The following RIN2 variants were observed in gnomAD, a reference collection of about 807,000 sequenced individuals.
RIN2 encodes the protein RAB5 interacting protein 2.
Under a neutral mutation model 78.0 loss-of-function variants are expected in RIN2, and 36 were observed. The observed-to-expected ratio is 0.46, with a 90% CI of 0.35 to 0.61. RIN2 has a LOEUF of 0.61. RIN2 is among the 20% of genes least tolerant of loss of function. The pLI is 0.00. For missense variants in RIN2, 1,087 were observed against 1,159.7 expected (o/e 0.94, Z 0.91); for synonymous variants, 466 against 466.8 (o/e 1.00, Z 0.02).
intron 2 of RIN2, among the ~76,000 whole-genome samples, chr20:19,850,249 C>T (rs933506557): frequency 2.0e-5 from 3 of 152,144 alleles, no homozygotes; most frequent in Non-Finnish European, 4.4e-5. Context: ...CTTACATTTC[C>T]ACCCTTTTGC....
At chr20:19,922,654 A>C (rs1476868027) in intron 3 of RIN2, among the ~76,000 whole-genome samples, 2 of 152,080 alleles carry the variant, frequency 1.3e-5, no homozygotes, top group Non-Finnish European at 2.9e-5. Flanking sequence ...AATTTCAAAT[A>C]TTCTGTCCAC....
rs1031896735 is a variant in RIN2, at chr20:19,891,726, G to A, written c.57+2068G>A. ...CCCAGCTACTTAGGAGGCTGAAGCA[G>A]GAGAATCGTTTGAACCTGGGAGGTG... is the stretch of plus-strand genomic sequence containing the variant. On this transcript the variant is annotated intron_variant, in intron 3 of 12. Transcript: ENST00000255006. 6.9e-5 allele frequency among the ~76,000 whole-genome samples: 10 copies of A among 144,378 alleles called. No individual in the cohort carries two copies. The East Asian group carries it at 2.1e-3, about 30-fold the overall frequency. 94.7% of individuals were successfully genotyped at this position (144,378 alleles called of 152,430 possible).
At chr20:19,914,304 C>CA (rs2039595150) in intron 3 of RIN2, among the ~76,000 whole-genome samples, 3 of 152,100 alleles carry the variant, frequency 2.0e-5, no homozygotes, top group African/African-American at 7.2e-5. Flanking sequence ...TAGGCTATTA[C>CA]CCTAAAGGTA....
At chr20:19,799,877 C>T (rs2122702117) in intron 2 of RIN2, 130 bp downstream of exon 2, 1 of 152,282 alleles carries the variant, frequency 6.6e-6, no homozygotes, top group Admixed American at 6.5e-5. Flanking sequence ...GGACTTTGCT[C>T]CGACAGAGCA....
chr20:19,910,756 C>G (rs915588797), intron 3 of RIN2, among the ~76,000 whole-genome samples: 1 of 151,500 alleles, frequency 6.6e-6, no homozygotes, highest in South Asian at 2.1e-4. Flanking sequence ...TTAATAGAGA[C>G]AGAGTTTCTC....
chr20:19,782,842 T>C (rs963378860), intron 1 of RIN2, among the ~76,000 whole-genome samples: 2 of 152,236 alleles, frequency 1.3e-5, no homozygotes, highest in African/African-American at 4.8e-5. Flanking sequence ...CAGAGATGTA[T>C]TGACTTCATG....
intron 3 of RIN2, among the ~76,000 whole-genome samples, chr20:19,892,820 G>A (rs2038539806): frequency 6.6e-6 from 1 of 152,216 alleles, no homozygotes. Flanking sequence ...AGGTTCATTT[G>A]TAACAAGCTG....
intron 2 of RIN2, among the ~76,000 whole-genome samples, chr20:19,856,420 C>A (rs555633983): frequency 1.3e-5 from 2 of 152,040 alleles, no homozygotes; most frequent in African/African-American, 4.8e-5. Context: ...GTAGTCCCAG[C>A]TACTCCAGAG....
chr20:19,925,030 C>A (rs544591730), intron 3 of RIN2, among the ~76,000 whole-genome samples: 2 of 151,154 alleles, frequency 1.3e-5, no homozygotes, highest in Admixed American at 1.3e-4. Flanking sequence ...TGAGCCACTG[C>A]GCCCGGCCTC....
At chr20:19,956,039 C>T (rs1480256456) in intron 4 of RIN2, among the ~76,000 whole-genome samples, 2 of 151,944 alleles carry the variant, frequency 1.3e-5, no homozygotes, top group African/African-American at 2.4e-5. Flanking sequence ...GGCGGATCAC[C>T]TGAGGTCAAG....
At chr20:19,793,850 G>A (rs976290552) in intron 1 of RIN2, among the ~76,000 whole-genome samples, 3 of 152,158 alleles carry the variant, frequency 2.0e-5, no homozygotes, top group South Asian at 2.1e-4. Flanking sequence ...AGCTACTGAC[G>A]CATTGCTGGG....
Position 19,840,751 on chromosome 20 carries a change from G to A in RIN2, c.-37+41004G>A, listed in dbSNP as rs570075586. On this transcript the variant is annotated intron_variant, in intron 2 of 12. Coordinates refer to ENST00000255006, the MANE Select transcript of RIN2 (RefSeq NM_018993.4). ...GTTCCATTTCCTGGGGACCCGTAGA[G>A]CATTTTTCATGCATGTTCCACAAGC... Among the ~76,000 whole-genome samples the A allele has an allele frequency of 1.1e-4, 17 of 152,320 alleles. No homozygotes were observed. The South Asian group carries it at 3.5e-3, about 32-fold the overall frequency.
chr20:19,975,411 G>A lies in RIN2; in HGVS notation c.1386G>A (p.Glu462=). 6.2e-7 allele frequency: 1 copy of A among 1,614,068 alleles called. No individual in the cohort carries two copies. The highest frequency in any genetic ancestry group is 8.5e-7 in the Non-Finnish European group (1 of 1,179,898). ...AGGCGGACACCAACAGCAGCCTGGA[G>A]GACTACGAGGGGGAAAGTGACCAAG... ...GYEADTNSSL[E]DYEGESDQET... Residue 462 remains glutamate (E), a synonymous_variant, in exon 9 of 13, where the codon GAG becomes GAA. Transcript: ENST00000255006. The surrounding 1 kb of genome is among the most constrained non-coding windows in gnomAD (Gnocchi z 4.9).
At chr20:19,979,835 G>A (rs920030568) in intron 9 of RIN2, among the ~76,000 whole-genome samples, 1 of 151,912 alleles carries the variant, frequency 6.6e-6, no homozygotes, top group Non-Finnish European at 1.5e-5. Flanking sequence ...CTGAGGTCAG[G>A]AGTTTGAGAC....
intron 1 of RIN2, 78 bp downstream of exon 1, chr20:19,758,405 G>A (rs2033469295): frequency 6.6e-6 from 1 of 152,246 alleles, no homozygotes; most frequent in Non-Finnish European, 1.5e-5. Flanking sequence ...GGCACGGGCG[G>A]GGCTCTCTGG....
At chr20:19,891,523 A>G (rs749000437) in intron 3 of RIN2, among the ~76,000 whole-genome samples, 1 of 152,168 alleles carries the variant, frequency 6.6e-6, no homozygotes, top group Non-Finnish European at 1.5e-5. Flanking sequence ...GTCAAGGCAA[A>G]AGAAGAAAAT....
chr20:19,955,008 T>G (rs1171351089), intron 4 of RIN2, among the ~76,000 whole-genome samples: 1 of 152,218 alleles, frequency 6.6e-6, no homozygotes, highest in Admixed American at 6.5e-5. Flanking sequence ...TCGCGGGTTT[T>G]AGTACCTTCA....
At chr20:19,935,048 A>C (rs1684853038) in intron 3 of RIN2, 51 bp from the exon 4 acceptor site, 2 of 1,404,860 alleles carry the variant, frequency 1.4e-6, no homozygotes, top group Admixed American at 2.0e-5. Context: ...CGCTGTGGGC[A>C]TGCCACGCCT....
intron 1 of RIN2, among the ~76,000 whole-genome samples, chr20:19,790,992 A>G (rs954544466): frequency 2.0e-5 from 3 of 152,222 alleles, no homozygotes; most frequent in Admixed American, 1.3e-4. Context: ...CTTTAAACCA[A>G]GTGGTTCTGT....
Sources: allele counts gnomAD v4.1 joint callset (sites outside exome capture counted in the v4.1 genomes callset), GRCh38; gene constraint gnomAD v4.1.1; non-coding constraint Gnocchi (gnomAD v3.1); transcripts MANE v1.5; gene names NCBI Gene and HGNC (gene_info 2026-07-23, HGNC 2026-07-21).